The following TNR variants were observed in gnomAD, a reference collection of about 807,000 sequenced individuals.
TNR encodes the protein tenascin R.
Under a neutral mutation model 150.4 loss-of-function variants are expected in TNR, and 45 were observed. The observed-to-expected ratio is 0.30, with a 90% CI of 0.24 to 0.38. The LOEUF (loss-of-function observed/expected upper bound fraction) is 0.38, where lower values mean the gene tolerates loss of function less well. Ranked by LOEUF, TNR falls within the 10% of genes least tolerant of loss-of-function variation. The pLI is 1.00. For synonymous variants in TNR, 687 were observed against 678.4 expected (o/e 1.01, Z -0.20); for missense variants, 1,544 against 1,759.1 (o/e 0.88, Z 2.19).
intron 1 of TNR, among the ~76,000 whole-genome samples, chr1:175,689,615 G>A (rs534038402): frequency 3.2e-4 from 49 of 152,296 alleles, no homozygotes; most frequent in Admixed American, 9.1e-4. Flanking sequence ...CTTGGGTCCC[G>A]TGGAGGCCCT....
At chr1:175,555,970 C>A (rs754926320) in intron 1 of TNR, among the ~76,000 whole-genome samples, 4 of 152,178 alleles carry the variant, frequency 2.6e-5, no homozygotes, top group African/African-American at 9.7e-5. Context: ...CAAAGCAAGG[C>A]GTATAGGCTC....
At chr1:175,362,461 C>A (rs1651643040) in intron 14 of TNR, among the ~76,000 whole-genome samples, 2 of 152,152 alleles carry the variant, frequency 1.3e-5, no homozygotes. Flanking sequence ...AGCAAGACTT[C>A]TAGAGGGTGA....
At chr1:175,561,703 T>C (rs185913557) in intron 1 of TNR, among the ~76,000 whole-genome samples, 4 of 152,332 alleles carry the variant, frequency 2.6e-5, no homozygotes, top group Admixed American at 2.0e-4. Context: ...CAATCAAATC[T>C]AGATTGCAAA....
intron 2 of TNR, among the ~76,000 whole-genome samples, chr1:175,458,277 G>A (rs971013249): frequency 6.6e-6 from 1 of 152,124 alleles, no homozygotes; most frequent in Non-Finnish European, 1.5e-5. Context: ...ATTATGCTGT[G>A]TGTACTTTCT....
intron 2 of TNR, among the ~76,000 whole-genome samples, chr1:175,506,729 C>T (rs980318436): frequency 6.6e-6 from 1 of 152,214 alleles, no homozygotes; most frequent in African/African-American, 2.4e-5. Flanking sequence ...TCACAATCTG[C>T]AATCACTTGC....
chr1:175,653,909 A>G (rs984781625), intron 1 of TNR, among the ~76,000 whole-genome samples: 2 of 152,170 alleles, frequency 1.3e-5, no homozygotes, highest in African/African-American at 4.8e-5. Flanking sequence ...ATTTCCAAGC[A>G]CTGGGAATAT....
At chr1:175,592,507 G>A (rs1571650703) in intron 1 of TNR, among the ~76,000 whole-genome samples, 2 of 152,380 alleles carry the variant, frequency 1.3e-5, no homozygotes, top group African/African-American at 2.4e-5. Flanking sequence ...CTGGCTCGAG[G>A]AGCCGGAGGC....
rs893104051 is a variant in TNR, at chr1:175,504,206, C to T, written c.-64+24063G>A. 5.3e-5 allele frequency among the ~76,000 whole-genome samples: 8 copies of T among 152,222 alleles called. No individual in the cohort carries two copies. The Middle Eastern group carries it at 0.01, about 194-fold the overall frequency. On this transcript the variant is annotated intron_variant, in intron 2 of 22. Coordinates refer to ENST00000367674, the MANE Select transcript of TNR (RefSeq NM_003285.3). ...TTAATATTTCATATTACCGTGATTC[C>T]AGCTGTCACTTCTCATTCAACCAAT...
At chr1:175,640,552 G>A (rs1664623393) in intron 1 of TNR, among the ~76,000 whole-genome samples, 1 of 152,106 alleles carries the variant, frequency 6.6e-6, no homozygotes, top group African/African-American at 2.4e-5. Context: ...AAAAGATTTT[G>A]TGAAGAGCCC....
At chr1:175,729,389 G>A (rs538707507) in intron 1 of TNR, among the ~76,000 whole-genome samples, 2 of 151,710 alleles carry the variant, frequency 1.3e-5, no homozygotes, top group South Asian at 2.1e-4. Flanking sequence ...CAAACAGAAT[G>A]AGCATTCAAG....
At chr1:175,365,324 T>C (rs769555119) in intron 11 of TNR, 45 bp from the exon 12 acceptor site, 19 of 1,544,876 alleles carry the variant, frequency 1.2e-5, no homozygotes, top group Non-Finnish European at 1.6e-5. Flanking sequence ...CGTGAGGAGA[T>C]GGGTCACTGG....
At chr1:175,683,891 G>T (rs1012325530) in intron 1 of TNR, among the ~76,000 whole-genome samples, 2 of 152,246 alleles carry the variant, frequency 1.3e-5, no homozygotes, top group African/African-American at 2.4e-5. Context: ...CTCTGGTCCT[G>T]TGAGAAGGCA....
intron 2 of TNR, among the ~76,000 whole-genome samples, chr1:175,416,536 A>G (rs1460739095): frequency 1.3e-5 from 2 of 152,152 alleles, no homozygotes; most frequent in African/African-American, 2.4e-5. Flanking sequence ...GTCACCATTC[A>G]CTGTTCAATT....
chr1:175,358,531 T>C lies in TNR; in HGVS notation c.2974+1081A>G, dbSNP rs553436447. Among the ~76,000 whole-genome samples, 30 of 152,348 alleles carry C rather than the reference T, an allele frequency of 2.0e-4. No homozygotes were observed. The East Asian group carries it at 5.8e-3, about 29-fold the overall frequency. ...GACAATAAGTTTACTTCTTTGCAGC[T>C]CACAGAATTAGCTTTCTCTGTCATT... On this transcript the variant is annotated intron_variant, in intron 15 of 22. Coordinates refer to ENST00000367674, the MANE Select transcript of TNR (RefSeq NM_003285.3).
intron 2 of TNR, among the ~76,000 whole-genome samples, chr1:175,499,961 A>C (rs1324945844): frequency 6.6e-6 from 1 of 152,202 alleles, no homozygotes; most frequent in Non-Finnish European, 1.5e-5. Flanking sequence ...ACCCCAGAAA[A>C]TACAATGCCT....
At chr1:175,485,138 A>G (rs1289249281) in intron 2 of TNR, among the ~76,000 whole-genome samples, 1 of 152,198 alleles carries the variant, frequency 6.6e-6, no homozygotes, top group Non-Finnish European at 1.5e-5. Context: ...ATGTGTCTGA[A>G]TAAATTAGAC....
intron 2 of TNR, among the ~76,000 whole-genome samples, chr1:175,438,668 A>T (rs1382034904): frequency 3.9e-5 from 6 of 152,242 alleles, no homozygotes; most frequent in Non-Finnish European, 7.3e-5. Flanking sequence ...CTGATAAGCA[A>T]CTTCAGCAAA....
intron 2 of TNR, among the ~76,000 whole-genome samples, chr1:175,427,802 T>C (rs919429158): frequency 2.1e-5 from 3 of 145,040 alleles, no homozygotes; most frequent in Non-Finnish European, 4.5e-5. Context: ...CTTCCTTCCT[T>C]CCTCCCTTCC....
chr1:175,424,737 G>A (rs902052152), intron 2 of TNR, among the ~76,000 whole-genome samples: 1 of 152,132 alleles, frequency 6.6e-6, no homozygotes, highest in African/African-American at 2.4e-5. Context: ...CAAACCCCCT[G>A]CTTCCCATTC....
Sources: allele counts gnomAD v4.1 joint callset (sites outside exome capture counted in the v4.1 genomes callset), GRCh38; gene constraint gnomAD v4.1.1; transcripts MANE v1.5; gene names NCBI Gene and HGNC (gene_info 2026-07-23, HGNC 2026-07-21).